Variants in MAP3K13 observed in about 807,000 individuals in gnomAD.
MAP3K13 encodes the protein mitogen-activated protein kinase kinase kinase 13, also known as leucine zipper-bearing kinase.
In MAP3K13, 52 loss-of-function variants were observed where a neutral mutation model predicts 104.0. That is an observed-to-expected ratio of 0.50 (90% CI 0.40 to 0.63). MAP3K13 has a LOEUF of 0.63. Among genes scored for constraint, MAP3K13 ranks in the 20% least tolerant of loss-of-function variants. MAP3K13 has a pLI of 0.00. For missense variants in MAP3K13, 914 were observed against 1,218.5 expected, an observed-to-expected ratio of 0.75 and a Z score of 3.72; for synonymous variants, 394 against 442.2, an observed-to-expected ratio of 0.89 and a Z score of 1.37.
chr3:185,455,330 G>GAT lies in MAP3K13; in HGVS notation c.1278+3942_1278+3943dup, dbSNP rs1302483881. Among the ~76,000 whole-genome samples the GAT allele has an allele frequency of 2.1e-3, 48 of 23,286 alleles. 4 individuals are homozygous for GAT. Among genetic ancestry groups the GAT allele is most frequent in the South Asian group, 5.5e-3 (4 of 730 alleles). The allele number at this position is 23,286 out of a possible 152,430, so 15.3% of individuals were successfully genotyped here. A position where few individuals can be genotyped will look rare whatever the true frequency, so the allele number is the denominator to read the frequency against. ...TATGAGATATATATGAGATATATAT[G>GAT]ATATATATGAGATATATATGATATA... is the stretch of plus-strand genomic sequence containing the variant. On this transcript the variant is annotated intron_variant, in intron 7 of 13. Coordinates refer to ENST00000265026, the MANE Select transcript of MAP3K13 (RefSeq NM_004721.5).
In MAP3K13 at chr3:185,331,723, A is replaced by G. The variant is rs570354187; in HGVS notation, c.-86+46080A>G. Among the ~76,000 whole-genome samples, 6 of 152,306 alleles carry G rather than the reference A, an allele frequency of 3.9e-5. No homozygotes were observed. In the East Asian group the frequency reaches 5.8e-4, roughly 15 times the overall value. On this transcript the variant is annotated intron_variant, in intron 2 of 14. Transcript: ENST00000424227. ...ACATTTCCAAGACCAAAACATATCA[A>G]CTTCCCACTCCAGCCAGTTCTCCAT...
upstream of MAP3K13, among the ~76,000 whole-genome samples, chr3:185,358,567 A>T (rs1302303650): frequency 1.3e-5 from 2 of 152,214 alleles, no homozygotes; most frequent in African/African-American, 4.8e-5. Context: ...TGAACTTATA[A>T]GAATGTTTTT....
intron 1 of MAP3K13, among the ~76,000 whole-genome samples, chr3:185,367,124 A>G (rs927950017): frequency 6.6e-6 from 1 of 152,170 alleles, no homozygotes; most frequent in African/African-American, 2.4e-5. Flanking sequence ...GACAGGGTTC[A>G]ACTTTATTCT....
At chr3:185,454,716 G>C (rs1292477626) in intron 7 of MAP3K13, among the ~76,000 whole-genome samples, 1 of 13,284 alleles carries the variant, frequency 7.5e-5, no homozygotes, top group African/African-American at 1.2e-4. Flanking sequence ...TCATATATGA[G>C]ATATATATGA....
intron 2 of MAP3K13, among the ~76,000 whole-genome samples, chr3:185,318,032 TTC>T (rs1236190005): frequency 5.9e-5 from 9 of 151,966 alleles, no homozygotes; most frequent in Non-Finnish European, 1.0e-4. Flanking sequence ...TTTTAAGTGG[TTC>T]TTTTTGTTTA....
intron 1 of MAP3K13, among the ~76,000 whole-genome samples, chr3:185,378,007 G>T (rs113637331): frequency 1.1e-4 from 16 of 149,862 alleles, no homozygotes; most frequent in Admixed American, 2.0e-4. Context: ...CTCCTGGGGT[G>T]GGGGGAGGTT....
chr3:185,358,944 C>A (rs1263162378), upstream of MAP3K13, among the ~76,000 whole-genome samples: 1 of 152,176 alleles, frequency 6.6e-6, no homozygotes, highest in African/African-American at 2.4e-5. Flanking sequence ...CAAAGATATT[C>A]CCCAACCACC....
chr3:185,445,557 A>G (rs1021512093), intron 4 of MAP3K13, among the ~76,000 whole-genome samples: 4 of 152,170 alleles, frequency 2.6e-5, no homozygotes, highest in African/African-American at 9.7e-5. Flanking sequence ...CTCCTTATGA[A>G]TTAATCTTAG....
intron 1 of MAP3K13, among the ~76,000 whole-genome samples, chr3:185,380,382 G>A (rs975783995): frequency 1.3e-5 from 2 of 151,254 alleles, no homozygotes; most frequent in East Asian, 2.0e-4. Flanking sequence ...ATGGTGTTGC[G>A]TGCCTGCAGT....
chr3:185,372,925 G>C (rs1031975874), intron 1 of MAP3K13, among the ~76,000 whole-genome samples: 2 of 152,162 alleles, frequency 1.3e-5, no homozygotes, highest in Non-Finnish European at 2.9e-5. Flanking sequence ...ACCTGTACCT[G>C]AGACTGTCCT....
chr3:185,310,591 G>C (rs1257384769), intron 2 of MAP3K13, among the ~76,000 whole-genome samples: 2 of 152,094 alleles, frequency 1.3e-5, no homozygotes, highest in Admixed American at 1.3e-4. Context: ...AAAAAAACAT[G>C]ATATCTGGGA....
In MAP3K13 at chr3:185,437,484, G is replaced by T; in HGVS notation, c.513G>T (p.Leu171=). The change falls in exon 3 of 14, where the codon CTG becomes CTT. Residue 171 remains leucine (L), a synonymous_variant. Coordinates refer to ENST00000265026, the MANE Select transcript of MAP3K13 (RefSeq NM_004721.5). The part of the protein sequence containing the change: ...WEVPFEEISE[L]QWLGSGAQGA... ...TGCCATTTGAGGAGATCTCAGAGCT[G>T]CAGTGGCTGGGTAGTGGAGCCCAAG... 6.2e-7 allele frequency: 1 copy of T among 1,614,010 alleles called. No individual in the cohort carries two copies. Among genetic ancestry groups the T allele is most frequent in the Non-Finnish European group, 8.5e-7 (1 of 1,179,976 alleles).
rs1718572840 is a variant in MAP3K13 at position 185,483,505 on chromosome 3, T to A, written c.*1049T>A. 1 of 227,836 alleles carries A rather than the reference T, an allele frequency of 4.4e-6. No individual in the cohort carries two copies. Among genetic ancestry groups the A allele is most frequent in the South Asian group, 1.8e-4 (1 of 5,482 alleles). 14.1% of individuals were successfully genotyped at this position (227,836 alleles called of 1,614,324 possible). ...AAAACGAACGTGGAATTTATAAAAC[T>A]CCATTCTCAGGATCACTCAGTTCAG... On this transcript the variant is annotated 3_prime_UTR_variant, in exon 14 of 14. Transcript: ENST00000265026.
chr3:185,400,243 C>A lies in MAP3K13; in HGVS notation c.-85-28254C>A, dbSNP rs145805308. On this transcript the variant is annotated intron_variant, in intron 1 of 13. Transcript: ENST00000265026. ...AAACAACCACGTGATTTCCTTCCCG[C>A]CTCCCTGCGTCTGCGCACCCTGCCC... 6.2e-4 allele frequency among the ~76,000 whole-genome samples: 94 copies of A among 152,346 alleles called. No individual in the cohort carries two copies. The East Asian group carries it at 0.013, about 21-fold the overall frequency.
At chr3:185,416,990 T>C (rs1327815518) in intron 1 of MAP3K13, among the ~76,000 whole-genome samples, 2 of 152,080 alleles carry the variant, frequency 1.3e-5, no homozygotes, top group Non-Finnish European at 2.9e-5. Flanking sequence ...TTAATAATAA[T>C]TTTTAAACCA....
rs1723720516 is a variant in MAP3K13, at chr3:185,363,254, G to A, written c.-200G>A. Reference sequence around the variant, plus strand: ...CCTTTGCGGTGGGCTGGAGGATTGTGTGGGTGGAATCCCCCTCCCCTTTAT... The same window carrying A: ...CCTTTGCGGTGGGCTGGAGGATTGTATGGGTGGAATCCCCCTCCCCTTTAT... On this transcript the variant is annotated 5_prime_UTR_variant, in exon 1 of 14. In the 5' UTR this introduces an upstream ATG that the reference lacks. Coordinates refer to ENST00000265026, the MANE Select transcript of MAP3K13 (RefSeq NM_004721.5). 1 of 985,316 alleles carries A rather than the reference G, an allele frequency of 1.0e-6. No individual in the cohort carries two copies. The highest frequency in any genetic ancestry group is 1.2e-6 in the Non-Finnish European group (1 of 829,876). The allele number at this position is 985,316 out of a possible 1,614,324, so 61.0% of individuals were successfully genotyped here. A position where few individuals can be genotyped will look rare whatever the true frequency, so the allele number is the denominator to read the frequency against.
chr3:185,406,829 T>C (rs1713142131), intron 1 of MAP3K13, among the ~76,000 whole-genome samples: 1 of 152,194 alleles, frequency 6.6e-6, no homozygotes, highest in African/African-American at 2.4e-5. Context: ...ATTGAATGGA[T>C]GCCCTATTGC....
chr3:185,405,244 C>A (rs766417089), intron 1 of MAP3K13, among the ~76,000 whole-genome samples: 6 of 152,322 alleles, frequency 3.9e-5, no homozygotes, highest in African/African-American at 1.4e-4. Flanking sequence ...GGTATATATG[C>A]ATTATTTAAT....
chr3:185,316,469 C>T (rs898061938), intron 2 of MAP3K13, among the ~76,000 whole-genome samples: 6 of 151,970 alleles, frequency 3.9e-5, no homozygotes, highest in African/African-American at 1.5e-4. Flanking sequence ...GGCGAAACCC[C>T]GTCTCTACAA....
Sources: allele counts gnomAD v4.1 joint callset (sites outside exome capture counted in the v4.1 genomes callset), GRCh38; gene constraint gnomAD v4.1.1; transcripts MANE v1.5; gene names NCBI Gene and HGNC (gene_info 2026-07-23, HGNC 2026-07-21).